Variants in HDAC9 observed in about 807,000 individuals in gnomAD.
HDAC9 encodes the protein MEF-2 interacting transcription repressor (MITR) protein.
HDAC9 carries 41 observed loss-of-function variants against 139.4 expected under a neutral mutation model. The observed-to-expected ratio is 0.29, with a 90% CI of 0.23 to 0.38. The LOEUF is 0.38. Among genes scored for constraint, HDAC9 ranks in the 10% least tolerant of loss-of-function variants. The probability of loss-of-function intolerance (pLI) is 1.00; values close to 1 mark genes in which losing one functional copy is unlikely to be tolerated. For missense variants in HDAC9, 1,147 were observed against 1,297.0 expected (o/e 0.88, Z 1.78); for synonymous variants, 517 against 476.2 (o/e 1.09, Z -1.12).
At chr7:18,512,658 T>C (rs1296390307) in intron 2 of HDAC9, among the ~76,000 whole-genome samples, 1 of 152,242 alleles carries the variant, frequency 6.6e-6, no homozygotes, top group African/African-American at 2.4e-5. Context: ...GTAAATCTTA[T>C]TTCCACCTCA....
intron 12 of HDAC9, among the ~76,000 whole-genome samples, chr7:18,682,374 G>C (rs756147619): frequency 3.3e-5 from 5 of 151,944 alleles, no homozygotes; most frequent in Non-Finnish European, 5.9e-5. Flanking sequence ...CTTTGTGTAT[G>C]ATTAATTTTT....
chr7:18,405,303 A>G (rs894886120), intron 1 of HDAC9, among the ~76,000 whole-genome samples: 4 of 152,234 alleles, frequency 2.6e-5, no homozygotes, highest in African/African-American at 9.6e-5. Flanking sequence ...TTACCTAAAC[A>G]TGCACAAATA....
At chr7:18,611,271 T>A (rs533684358) in intron 6 of HDAC9, among the ~76,000 whole-genome samples, 1 of 152,184 alleles carries the variant, frequency 6.6e-6, no homozygotes, top group South Asian at 2.1e-4. Flanking sequence ...AGGGTATTAT[T>A]TGGTCAGGAA....
chr7:18,496,219 A>T, intron 1 of HDAC9, 43 bp from the exon 2 acceptor site: 1 of 1,595,644 alleles, frequency 6.3e-7, no homozygotes, highest in South Asian at 1.1e-5. Flanking sequence ...TGACTGGAAT[A>T]TGCTGCAGAC....
intron 21 of HDAC9, among the ~76,000 whole-genome samples, chr7:18,850,550 C>T (rs1370860213): frequency 1.3e-5 from 2 of 152,266 alleles, no homozygotes; most frequent in East Asian, 3.9e-4. Context: ...CATCTATTGT[C>T]ATATTGTATT....
At chr7:18,372,874 C>T (rs986956760) in intron 1 of HDAC9, among the ~76,000 whole-genome samples, 2 of 152,130 alleles carry the variant, frequency 1.3e-5, no homozygotes, top group Non-Finnish European at 1.5e-5. Flanking sequence ...AGGTATTAAC[C>T]ATATAACAGA....
chr7:18,447,541 G>A (rs1281006289), intron 1 of HDAC9, among the ~76,000 whole-genome samples: 3 of 152,160 alleles, frequency 2.0e-5, no homozygotes, highest in Admixed American at 6.5e-5. Flanking sequence ...TTTTATTCAT[G>A]TGTAGGTTAT....
chr7:18,495,443 G>A (rs1232914712), upstream of HDAC9, among the ~76,000 whole-genome samples: 1 of 152,024 alleles, frequency 6.6e-6, no homozygotes. Context: ...TTCTTTGGAA[G>A]CGAATCGCCA....
intron 12 of HDAC9, among the ~76,000 whole-genome samples, chr7:18,721,836 A>G (rs1785169695): frequency 6.6e-6 from 1 of 152,212 alleles, no homozygotes; most frequent in Non-Finnish European, 1.5e-5. Context: ...CGTAGTCTCC[A>G]TTAGCAGGCC....
At chr7:18,299,658 A>G (rs1326913763) in intron 1 of HDAC9, among the ~76,000 whole-genome samples, 5 of 152,226 alleles carry the variant, frequency 3.3e-5, no homozygotes, top group African/African-American at 9.6e-5. Context: ...AATGAAATGC[A>G]TGGCTTGATG....
chr7:18,260,980 A>G (rs546689571), intron 2 of HDAC9, among the ~76,000 whole-genome samples: 71 of 152,118 alleles, frequency 4.7e-4, no homozygotes, highest in Non-Finnish European at 8.5e-4. Context: ...GTTCTGAAAT[A>G]TAAGCAAACA....
At chr7:18,419,915 A>G (rs1477996299) in intron 1 of HDAC9, among the ~76,000 whole-genome samples, 1 of 152,192 alleles carries the variant, frequency 6.6e-6, no homozygotes, top group Non-Finnish European at 1.5e-5. Context: ...CATTGGGAAG[A>G]GTGCAGCTTT....
intron 1 of HDAC9, among the ~76,000 whole-genome samples, chr7:18,473,673 C>T (rs1183513178): frequency 6.6e-6 from 1 of 152,180 alleles, no homozygotes; most frequent in African/African-American, 2.4e-5. Flanking sequence ...GAGTTCTTTC[C>T]TCAGTAGCTC....
At chr7:18,290,232 A>G (rs1246967481), upstream of HDAC9, 1 of 303,116 alleles carries the variant, frequency 3.3e-6, no homozygotes, top group African/African-American at 2.2e-5. Flanking sequence ...TAACTCTCTC[A>G]TGCCTGCATA....
At chr7:18,993,392 C>G (rs902659904) in intron 25 of HDAC9, among the ~76,000 whole-genome samples, 1 of 152,118 alleles carries the variant, frequency 6.6e-6, no homozygotes, top group African/African-American at 2.4e-5. Flanking sequence ...CTGACTGATT[C>G]AAAGTCAAAT....
intron 2 of HDAC9, among the ~76,000 whole-genome samples, chr7:18,514,488 T>A (rs1465680253): frequency 6.6e-6 from 1 of 152,234 alleles, no homozygotes; most frequent in South Asian, 2.1e-4. Flanking sequence ...TGGGCTAAAA[T>A]AGAAATTTCA....
chr7:18,642,843 G>A (rs2129014954), intron 8 of HDAC9, among the ~76,000 whole-genome samples: 1 of 152,086 alleles, frequency 6.6e-6, no homozygotes, highest in Non-Finnish European at 1.5e-5. Context: ...AATTCTCTCT[G>A]GGAAACAAAG....
chr7:18,571,097 T>C (rs1046516673), intron 2 of HDAC9, among the ~76,000 whole-genome samples: 5 of 152,250 alleles, frequency 3.3e-5, no homozygotes. Context: ...ATAACATAAA[T>C]ATAGCTGCCA....
intron 12 of HDAC9, among the ~76,000 whole-genome samples, chr7:18,669,901 A>G (rs1213237744): frequency 1.3e-5 from 2 of 151,860 alleles, no homozygotes; most frequent in African/African-American, 2.4e-5. Context: ...GTAGACTGCT[A>G]CTTTTCATAG....
Sources: allele counts gnomAD v4.1 joint callset (sites outside exome capture counted in the v4.1 genomes callset), GRCh38; gene constraint gnomAD v4.1.1; transcripts MANE v1.5; gene names NCBI Gene and HGNC (gene_info 2026-07-23, HGNC 2026-07-21).